TMCO5A: variants seen among roughly 807,000 people sequenced by gnomAD.
The protein encoded by TMCO5A is transmembrane and coiled-coil domains 5A.
TMCO5A carries 34 observed loss-of-function variants against 42.3 expected under a neutral mutation model. The ratio of observed to expected loss-of-function variants is 0.80; its 90% confidence interval spans 0.61 to 1.07. The LOEUF (loss-of-function observed/expected upper bound fraction) is 1.07. Among genes scored for constraint, TMCO5A ranks in the 50% least tolerant of loss-of-function variants. The pLI, the probability that TMCO5A is intolerant of heterozygous loss-of-function variation, is 0.00. For synonymous variants in TMCO5A, 131 were observed against 115.6 expected (o/e 1.13, Z -0.86); for missense variants, 357 against 327.9 (o/e 1.09, Z -0.69).
At chr15:38,006,922 C>G in the TMCO5A span, among the ~76,000 whole-genome samples, 1 of 151,686 alleles carries the variant, frequency 6.6e-6, no homozygotes, top group Non-Finnish European at 1.5e-5. Flanking sequence ...TCTGTCACAA[C>G]AACTCAAATC....
the TMCO5A span, among the ~76,000 whole-genome samples, chr15:37,982,477 TA>T: frequency 0.024 from 3,433 of 145,764 alleles, 73 homozygotes; most frequent in Non-Finnish European, 0.036. Context: ...ATAGATATTT[TA>T]TGTATTATAT....
At chr15:38,002,309 C>A in the TMCO5A span, among the ~76,000 whole-genome samples, 1 of 150,748 alleles carries the variant, frequency 6.6e-6, no homozygotes, top group Non-Finnish European at 1.5e-5. Context: ...TTGAGGTAGT[C>A]TCATTTGGAT....
the TMCO5A span, among the ~76,000 whole-genome samples, chr15:38,009,593 T>C: frequency 5.3e-5 from 8 of 152,212 alleles, no homozygotes; most frequent in Admixed American, 5.2e-4. Flanking sequence ...TCACCAAATA[T>C]ATTATATCCA....
the TMCO5A span, among the ~76,000 whole-genome samples, chr15:37,997,172 T>A: frequency 6.6e-6 from 1 of 151,960 alleles, no homozygotes; most frequent in East Asian, 1.9e-4. Context: ...CAACAATGAG[T>A]TTGAAAGGAT....
downstream of TMCO5A, among the ~76,000 whole-genome samples, chr15:37,952,994 G>A (rs1192680821): frequency 6.6e-6 from 1 of 152,162 alleles, no homozygotes; most frequent in Non-Finnish European, 1.5e-5. Context: ...GAAAGGGGAG[G>A]GAAGAATGGG....
chr15:37,992,232 C>A, the TMCO5A span, among the ~76,000 whole-genome samples: 2 of 152,098 alleles, frequency 1.3e-5, no homozygotes, highest in Non-Finnish European at 2.9e-5. Flanking sequence ...ATGCGGCCAA[C>A]AAGTGTATTT....
chr15:37,935,646 C>A (rs1180758535), intron 2 of TMCO5A, among the ~76,000 whole-genome samples: 10 of 152,138 alleles, frequency 6.6e-5, no homozygotes, highest in Non-Finnish European at 1.3e-4. Flanking sequence ...AAGAGCCTCC[C>A]ATGTACCCTT....
chr15:37,998,241 G>A, the TMCO5A span, among the ~76,000 whole-genome samples: 19 of 152,146 alleles, frequency 1.2e-4, no homozygotes, highest in African/African-American at 4.3e-4. Flanking sequence ...TTAGTTGCAT[G>A]TGCTTGTGGG....
chr15:37,979,293 G>A, the TMCO5A span, among the ~76,000 whole-genome samples: 7 of 151,532 alleles, frequency 4.6e-5, no homozygotes, highest in African/African-American at 1.5e-4. Flanking sequence ...AAGCCTGAGG[G>A]CAGCAGGAGC....
chr15:37,978,820 G>A, the TMCO5A span, among the ~76,000 whole-genome samples: 6 of 137,862 alleles, frequency 4.4e-5, no homozygotes, highest in African/African-American at 2.1e-4. Flanking sequence ...GTCACGGTTC[G>A]GCCGGCTAGG....
chr15:37,953,683 A>G (rs8037073), downstream of TMCO5A, among the ~76,000 whole-genome samples: 2,435 of 152,146 alleles, frequency 0.016, 72 homozygotes, highest in African/African-American at 0.055. Context: ...GGCATCAAAA[A>G]CATCCAGGAA....
chr15:38,014,046 T>C, the TMCO5A span, among the ~76,000 whole-genome samples: 1 of 152,198 alleles, frequency 6.6e-6, no homozygotes, highest in Non-Finnish European at 1.5e-5. Flanking sequence ...TCTGACTTTG[T>C]TCATTTTGCC....
intron 6 of TMCO5A, 74 bp downstream of exon 6, chr15:37,938,303 T>C (rs965430791): frequency 3.2e-6 from 4 of 1,265,900 alleles, no homozygotes; most frequent in Admixed American, 2.2e-5. Flanking sequence ...TGGAAATCAA[T>C]GTCAACGTTG....
chr15:38,037,640 G>C, the TMCO5A span, among the ~76,000 whole-genome samples: 1 of 152,192 alleles, frequency 6.6e-6, no homozygotes, highest in Non-Finnish European at 1.5e-5. Context: ...GTGGGCAATG[G>C]AATGGAGAAG....
chr15:37,959,188 C>A (rs1443204711), intron 11 of TMCO5A, among the ~76,000 whole-genome samples: 1 of 151,956 alleles, frequency 6.6e-6, no homozygotes, highest in African/African-American at 2.4e-5. Flanking sequence ...ATGGGTGCAG[C>A]AAACCACCAT....
chr15:37,957,629 T>A (rs1223810448), intron 11 of TMCO5A, among the ~76,000 whole-genome samples: 1 of 152,192 alleles, frequency 6.6e-6, no homozygotes, highest in Admixed American at 6.5e-5. Context: ...TGCTCATGGA[T>A]AGGAATAATC....
At chr15:37,951,583 T>G (rs1890159498), downstream of TMCO5A, 1 of 220,398 alleles carries the variant, frequency 4.5e-6, no homozygotes, top group Non-Finnish European at 8.9e-6. Context: ...GATTACTTAC[T>G]GCTTATATTA....
chr15:37,993,370 TG>T, the TMCO5A span: 21,448 of 133,030 alleles, frequency 0.16, 1,884 homozygotes, highest in Admixed American at 0.2. Context: ...TTTGCTAATT[TG>T]GGTTTTTTTT....
the TMCO5A span, among the ~76,000 whole-genome samples, chr15:37,974,525 T>G: frequency 6.6e-6 from 1 of 152,168 alleles, no homozygotes; most frequent in Admixed American, 6.5e-5. Context: ...TATTCTAGGT[T>G]TTCTAGTTTT....
Sources: allele counts gnomAD v4.1 joint callset (sites outside exome capture counted in the v4.1 genomes callset), GRCh38; gene constraint gnomAD v4.1.1; transcripts MANE v1.5; gene names NCBI Gene and HGNC (gene_info 2026-07-23, HGNC 2026-07-21).